The following XPO4 variants were observed in gnomAD, a reference collection of about 807,000 sequenced individuals.
XPO4 encodes the protein exportin-4.
In XPO4, 39 loss-of-function variants were observed where a neutral mutation model predicts 143.0. The ratio of observed to expected loss-of-function variants is 0.27; its 90% CI spans 0.21 to 0.36. The LOEUF (loss-of-function observed/expected upper bound fraction) is 0.36. XPO4 is among the 10% of genes least tolerant of loss of function. The probability of loss-of-function intolerance (pLI) is 1.00; values close to 1 mark genes in which losing one functional copy is unlikely to be tolerated. For missense variants in XPO4, 907 were observed against 1,348.0 expected (o/e 0.67, Z 5.12); for synonymous variants, 439 against 474.0 (o/e 0.93, Z 0.96).
intron 4 of XPO4, among the ~76,000 whole-genome samples, chr13:20,853,234 C>T (rs2060107708): frequency 6.8e-6 from 1 of 148,040 alleles, no homozygotes; most frequent in African/African-American, 2.5e-5. Flanking sequence ...TCAGGAGAGA[C>T]TAAGGTGGGA....
At position 20,849,590 on chromosome 13, in the gene XPO4, A is replaced by G. The variant is rs1349833625; in HGVS notation, c.457-5704T>C. 3 of 985,326 alleles carry G rather than the reference A, an allele frequency of 3.0e-6. No homozygotes were observed. In the African/African-American group the frequency reaches 5.2e-5, roughly 17 times the overall value. The allele number at this position is 985,326 out of a possible 1,614,324, so 61.0% of individuals were successfully genotyped here. A position where few individuals can be genotyped will look rare whatever the true frequency, so the allele number is the denominator to read the frequency against. The stretch of plus-strand genomic sequence containing the variant: ...GCAAACTGAGATGAAATAACCACGT[A>G]ACCTTTATAATTATGGAAGGAAAAC... On this transcript the variant is annotated intron_variant, in intron 4 of 22. Transcript: ENST00000255305.
intron 4 of XPO4, chr13:20,852,258 G>A: frequency 1.0e-6 from 1 of 985,384 alleles, no homozygotes; most frequent in African/African-American, 1.7e-5. Flanking sequence ...CTCCTTTACT[G>A]CACACTGTCA....
At chr13:20,857,543 C>T (rs955350271) in intron 3 of XPO4, among the ~76,000 whole-genome samples, 4 of 151,522 alleles carry the variant, frequency 2.6e-5, no homozygotes, top group East Asian at 1.9e-4. Flanking sequence ...CTGGCTAACA[C>T]GGTGAAACCC....
chr13:20,877,982 A>T (rs1266430652), intron 1 of XPO4, among the ~76,000 whole-genome samples: 1 of 152,174 alleles, frequency 6.6e-6, no homozygotes, highest in Non-Finnish European at 1.5e-5. Flanking sequence ...AGATGGCTTG[A>T]GGTCAGGAGC....
intron 1 of XPO4, among the ~76,000 whole-genome samples, chr13:20,886,085 T>C (rs1181434674): frequency 6.6e-6 from 1 of 152,188 alleles, no homozygotes; most frequent in East Asian, 1.9e-4. Flanking sequence ...TTTGATTTAA[T>C]AGCATAAATA....
chr13:20,844,817 T>C (rs1017732390), intron 4 of XPO4, among the ~76,000 whole-genome samples: 4 of 152,234 alleles, frequency 2.6e-5, no homozygotes, highest in Non-Finnish European at 5.9e-5. Context: ...GACTGATGGT[T>C]CCATGAGTGA....
chr13:20,825,423 T>G (rs2059771955), intron 7 of XPO4, among the ~76,000 whole-genome samples: 1 of 152,260 alleles, frequency 6.6e-6, no homozygotes. Flanking sequence ...GCCATTGTCA[T>G]TTTTAAAACA....
chr13:20,869,013 A>C (rs527618751), intron 1 of XPO4, among the ~76,000 whole-genome samples: 2 of 152,272 alleles, frequency 1.3e-5, no homozygotes, highest in East Asian at 3.9e-4. Context: ...TAGTTGACTT[A>C]TTATCACCTT....
chr13:20,899,568 C>T (rs1480613432), intron 1 of XPO4, among the ~76,000 whole-genome samples: 1 of 151,982 alleles, frequency 6.6e-6, no homozygotes, highest in African/African-American at 2.4e-5. Flanking sequence ...AGCTCTAGAC[C>T]CTATTACTAA....
At chr13:20,853,185 T>C in intron 4 of XPO4, 3 of 304,260 alleles carry the variant, frequency 9.9e-6, no homozygotes, top group Non-Finnish European at 1.4e-5. Context: ...CTTTAAAAAT[T>C]AGCCAGGAGT....
At chr13:20,789,703 C>T (rs1051765345) in intron 19 of XPO4, among the ~76,000 whole-genome samples, 13 of 151,990 alleles carry the variant, frequency 8.6e-5, no homozygotes, top group African/African-American at 2.7e-4. Context: ...CCACTGCGCC[C>T]GGCCCAGCCT....
chr13:20,902,169 T>C (rs1168540679), intron 1 of XPO4: 5 of 985,182 alleles, frequency 5.1e-6, no homozygotes, highest in Admixed American at 1.2e-4. Flanking sequence ...CGGCTGCAAT[T>C]ACTCCAGAGG....
At chr13:20,820,974 A>C (rs2059712414) in intron 9 of XPO4, among the ~76,000 whole-genome samples, 1 of 152,182 alleles carries the variant, frequency 6.6e-6, no homozygotes, top group Non-Finnish European at 1.5e-5. Context: ...TTTAATCACT[A>C]CTTTGTGGAA....
At chr13:20,807,855 G>C (rs2059527353) in intron 12 of XPO4, among the ~76,000 whole-genome samples, 1 of 152,090 alleles carries the variant, frequency 6.6e-6, no homozygotes, top group Admixed American at 6.5e-5. Context: ...CACCAATTTT[G>C]TAATTCATAG....
At chr13:20,839,359 C>T (rs9578321) in intron 6 of XPO4, among the ~76,000 whole-genome samples, 14,190 of 152,142 alleles carry the variant, frequency 0.093, 825 homozygotes, top group Non-Finnish European at 0.13. Flanking sequence ...GTGGTTGCTA[C>T]GGACTGGGGA....
chr13:20,795,951 G>T, intron 18 of XPO4, 125 bp downstream of exon 18: 1 of 1,084,298 alleles, frequency 9.2e-7, no homozygotes, highest in Non-Finnish European at 1.3e-6. Context: ...TGACCACAAA[G>T]ATCTTCTTTC....
chr13:20,868,831 C>T, intron 1 of XPO4, 130 bp from the exon 2 acceptor site: 1 of 748,892 alleles, frequency 1.3e-6, no homozygotes, highest in Non-Finnish European at 2.1e-6. Flanking sequence ...TCTTGCTTAA[C>T]TTTTTAAGGA....
intron 1 of XPO4, among the ~76,000 whole-genome samples, chr13:20,883,844 C>T (rs912742506): frequency 2.0e-5 from 3 of 152,088 alleles, no homozygotes; most frequent in Admixed American, 6.5e-5. Context: ...CTCCACTCAC[C>T]GCAACCTCCG....
chr13:20,869,620 T>C (rs958368065), intron 1 of XPO4: 3 of 774,990 alleles, frequency 3.9e-6, no homozygotes, highest in African/African-American at 3.8e-5. Flanking sequence ...ATTATATCAA[T>C]TATGCAACAT....
Sources: allele counts gnomAD v4.1 joint callset (sites outside exome capture counted in the v4.1 genomes callset), GRCh38; gene constraint gnomAD v4.1.1; transcripts MANE v1.5; gene names NCBI Gene and HGNC (gene_info 2026-07-23, HGNC 2026-07-21).